PTPRD: variants seen among roughly 807,000 people sequenced by gnomAD.
The protein encoded by PTPRD is protein tyrosine phosphatase receptor type D, also known as receptor-type tyrosine-protein phosphatase delta.
A neutral mutation model predicts 214.5 loss-of-function variants in PTPRD; 34 were observed. The ratio of observed to expected loss-of-function variants is 0.16; its 90% CI spans 0.12 to 0.21. PTPRD has a LOEUF of 0.21. Ranked by LOEUF, PTPRD falls within the 10% of genes least tolerant of loss-of-function variation. PTPRD has a pLI of 1.00. For synonymous variants in PTPRD, 1,128 were observed against 845.7 expected, an observed-to-expected ratio of 1.33 and a Z score of -5.79; for missense variants, 2,545 against 2,398.7, an observed-to-expected ratio of 1.06 and a Z score of -1.27.
chr9:10,374,285 G>A (rs1046784536), intron 2 of PTPRD, among the ~76,000 whole-genome samples: 2 of 151,998 alleles, frequency 1.3e-5, no homozygotes, highest in South Asian at 2.1e-4. Context: ...GAATTTGCAG[G>A]CAGGTGCAAT....
chr9:10,504,964 C>T (rs1367715910), intron 2 of PTPRD, among the ~76,000 whole-genome samples: 1 of 152,148 alleles, frequency 6.6e-6, no homozygotes, highest in Non-Finnish European at 1.5e-5. Flanking sequence ...TCTGCTACAA[C>T]ATTGGCTCTA....
chr9:9,543,262 G>A (rs1020479978), intron 8 of PTPRD, among the ~76,000 whole-genome samples: 3 of 151,532 alleles, frequency 2.0e-5, no homozygotes, highest in Non-Finnish European at 4.4e-5. Context: ...AACAAATTAT[G>A]GGGATGCTAT....
intron 5 of PTPRD, among the ~76,000 whole-genome samples, chr9:9,824,179 T>C (rs537361352): frequency 1.7e-5 from 2 of 116,900 alleles, no homozygotes; most frequent in Admixed American, 1.5e-4. Flanking sequence ...TATTTGCAAG[T>C]TATCAAAAAA....
At chr9:8,376,774 C>T (rs2083377025) in intron 37 of PTPRD, 48 bp from the exon 38 acceptor site, 6 of 1,604,236 alleles carry the variant, frequency 3.7e-6, no homozygotes, top group African/African-American at 2.7e-5. Flanking sequence ...ATCAATTTCT[C>T]TATTAACTTT....
intron 11 of PTPRD, among the ~76,000 whole-genome samples, chr9:8,997,184 C>T (rs7865350): frequency 0.32 from 48,318 of 151,938 alleles, 8,329 homozygotes; most frequent in South Asian, 0.47. Flanking sequence ...TATCTTTTAA[C>T]TTTTCATTAT....
At chr9:9,596,385 T>A (rs756170859) in intron 7 of PTPRD, among the ~76,000 whole-genome samples, 1 of 151,974 alleles carries the variant, frequency 6.6e-6, no homozygotes, top group African/African-American at 2.4e-5. Context: ...GAGGTACCCT[T>A]TACATTTCCT....
intron 3 of PTPRD, among the ~76,000 whole-genome samples, chr9:10,264,797 C>G (rs1292189560): frequency 6.6e-6 from 1 of 152,014 alleles, no homozygotes; most frequent in Non-Finnish European, 1.5e-5. Context: ...TTGCTGTGTT[C>G]CCACCCAAGT....
At chr9:9,746,210 G>A (rs1374685959) in intron 6 of PTPRD, among the ~76,000 whole-genome samples, 1 of 152,040 alleles carries the variant, frequency 6.6e-6, no homozygotes, top group Non-Finnish European at 1.5e-5. Context: ...ATCTTAAAGG[G>A]TAAGCTAAGC....
chr9:10,493,659 T>A (rs975159506), intron 2 of PTPRD, among the ~76,000 whole-genome samples: 12 of 152,032 alleles, frequency 7.9e-5, no homozygotes, highest in Non-Finnish European at 1.5e-4. Context: ...TAATACCACA[T>A]AACATCAAAC....
At chr9:10,469,599 G>A (rs1007990612) in intron 2 of PTPRD, among the ~76,000 whole-genome samples, 3 of 151,998 alleles carry the variant, frequency 2.0e-5, no homozygotes, top group Non-Finnish European at 4.4e-5. Flanking sequence ...AAACAGTATG[G>A]CGCTTCCTCA....
intron 10 of PTPRD, among the ~76,000 whole-genome samples, chr9:9,057,625 A>G (rs1444291409): frequency 6.6e-6 from 1 of 151,912 alleles, no homozygotes; most frequent in South Asian, 2.1e-4. Flanking sequence ...TACCGTAATA[A>G]TTTCTCGTAA....
intron 9 of PTPRD, among the ~76,000 whole-genome samples, chr9:9,296,573 T>A (rs1327648951): frequency 3.3e-5 from 5 of 151,746 alleles, no homozygotes; most frequent in Admixed American, 1.3e-4. Context: ...AGAGTGATAG[T>A]AGAGTTCTAA....
At chr9:10,380,953 C>T (rs2097808322) in intron 2 of PTPRD, among the ~76,000 whole-genome samples, 2 of 151,914 alleles carry the variant, frequency 1.3e-5, no homozygotes, top group African/African-American at 4.8e-5. Context: ...ATATTTCACA[C>T]TTAGTTACTC....
chr9:9,856,476 G>A (rs10816208), intron 5 of PTPRD, among the ~76,000 whole-genome samples: 1 of 152,170 alleles, frequency 6.6e-6, no homozygotes, highest in African/African-American at 2.4e-5. Flanking sequence ...AATGCATCCA[G>A]TGTATGAAGC....
At chr9:9,235,318 A>C (rs1408710094) in intron 9 of PTPRD, among the ~76,000 whole-genome samples, 1 of 152,130 alleles carries the variant, frequency 6.6e-6, no homozygotes, top group Non-Finnish European at 1.5e-5. Flanking sequence ...ACGATTCAAG[A>C]TGAGATTTGG....
intron 14 of PTPRD, among the ~76,000 whole-genome samples, chr9:8,562,718 T>C (rs1202052406): frequency 2.0e-5 from 3 of 152,186 alleles, no homozygotes; most frequent in African/African-American, 7.2e-5. Context: ...ATTACAGGCC[T>C]GAGCCACTGT....
intron 2 of PTPRD, among the ~76,000 whole-genome samples, chr9:10,536,030 T>G (rs1440296213): frequency 1.3e-5 from 2 of 152,074 alleles, no homozygotes; most frequent in Non-Finnish European, 2.9e-5. Flanking sequence ...TTTTTTCCAG[T>G]GGTTAGCAAA....
At position 8,479,494 on chromosome 9, in the gene PTPRD, C is replaced by T. The variant is rs140839466; in HGVS notation, c.3413+4625G>A. Among the ~76,000 whole-genome samples the T allele has an allele frequency of 6.6e-5, 10 of 152,148 alleles. No individual in the cohort carries two copies. In the East Asian group the frequency reaches 1.9e-3, roughly 29 times the overall value. On this transcript the variant is annotated intron_variant, in intron 30 of 45. Coordinates refer to ENST00000381196, the MANE Select transcript of PTPRD (RefSeq NM_002839.4). ...AAGTTTTATACCTTTTCCCTGACTCCCTTTTCAAATATAGAAGCGGAAAGT... is the reference window on the plus strand; with the variant it reads ...AAGTTTTATACCTTTTCCCTGACTCTCTTTTCAAATATAGAAGCGGAAAGT...
chr9:10,455,745 A>C (rs1209834734), intron 2 of PTPRD, among the ~76,000 whole-genome samples: 1 of 151,752 alleles, frequency 6.6e-6, no homozygotes, highest in Non-Finnish European at 1.5e-5. Flanking sequence ...TTTGTTCATT[A>C]AGTTGTTCAA....
Sources: allele counts gnomAD v4.1 joint callset (sites outside exome capture counted in the v4.1 genomes callset), GRCh38; gene constraint gnomAD v4.1.1; transcripts MANE v1.5; gene names NCBI Gene and HGNC (gene_info 2026-07-23, HGNC 2026-07-21).